The following MYO3A variants were observed in gnomAD, a reference collection of about 807,000 sequenced individuals.
The protein encoded by MYO3A is myosin-IIIa.
A neutral mutation model predicts 192.7 loss-of-function variants in MYO3A; 180 were observed. That is an observed-to-expected ratio of 0.93 (90% confidence interval 0.83 to 1.06). The LOEUF is 1.06. MYO3A is among the 50% of genes least tolerant of loss of function. The probability of loss-of-function intolerance (pLI) is 0.00; values close to 1 mark genes in which losing one functional copy is unlikely to be tolerated. For missense variants in MYO3A, 1,896 were observed against 1,905.0 expected (o/e 1.00, Z 0.09); for synonymous variants, 628 against 645.3 (o/e 0.97, Z 0.41).
chr10:26,158,111 T>G (rs909803148), intron 26 of MYO3A, among the ~76,000 whole-genome samples: 2 of 152,164 alleles, frequency 1.3e-5, no homozygotes, highest in African/African-American at 4.8e-5. Context: ...TCTAACTACC[T>G]GATAGGATCC....
chr10:25,995,389 T>G (rs968324404), intron 4 of MYO3A, among the ~76,000 whole-genome samples: 1 of 152,188 alleles, frequency 6.6e-6, no homozygotes, highest in African/African-American at 2.4e-5. Flanking sequence ...CATTGGTTAT[T>G]CTAGTTAGCC....
chr10:26,179,113 T>TTTTTTTTTTTG lies in MYO3A; in HGVS notation c.4438+2270_4438+2271insTTTTTTTTGTT, dbSNP rs1386278741. On this transcript the variant is annotated intron_variant, in intron 31 of 34. Coordinates refer to ENST00000642920, the MANE Select transcript of MYO3A (RefSeq NM_017433.5). ...AATTTTTTTTTTTTTTTTTTTTTTT[T>TTTTTTTTTTTG]TTGAGACGGAGTTTCACTCTTGTTG... Among the ~76,000 whole-genome samples the TTTTTTTTTTTG allele has an allele frequency of 8.5e-5, 12 of 141,932 alleles. 1 individual carries two copies. Among genetic ancestry groups the TTTTTTTTTTTG allele is most frequent in the African/African-American group, 3.2e-4 (12 of 37,108 alleles). 93.1% of individuals were successfully genotyped at this position (141,932 alleles called of 152,430 possible).
At chr10:25,967,595 G>T (rs991994985) in intron 4 of MYO3A, among the ~76,000 whole-genome samples, 2 of 152,136 alleles carry the variant, frequency 1.3e-5, no homozygotes, top group African/African-American at 2.4e-5. Flanking sequence ...TCAGGAATAT[G>T]CAGCCCATTA....
chr10:26,154,241 G>A (rs1840969422), intron 24 of MYO3A, among the ~76,000 whole-genome samples: 1 of 152,114 alleles, frequency 6.6e-6, no homozygotes, highest in Non-Finnish European at 1.5e-5. Context: ...GAGTGCAGTG[G>A]CATGATCTCA....
rs1159491321 is a variant in MYO3A at position 26,113,488 on chromosome 10, C to CA, written c.1777-7179dup. Among the ~76,000 whole-genome samples, 255 of 129,678 alleles carry CA rather than the reference C, an allele frequency of 2.0e-3. 1 individual carries two copies. The highest frequency in any genetic ancestry group is 6.3e-3 in the African/African-American group (232 of 36,744). The allele number at this position is 129,678 out of a possible 152,430, so 85.1% of individuals were successfully genotyped here. A position where few individuals can be genotyped will look rare whatever the true frequency, so the allele number is the denominator to read the frequency against. On this transcript the variant is annotated intron_variant, in intron 17 of 34. Transcript: ENST00000642920. Reference sequence around the variant, plus strand: ...CGTCTCAAAAAAACAAAAAAAAAAACAAAAAAAAACTGATTTTGACCAGAA... The same window carrying CA: ...CGTCTCAAAAAAACAAAAAAAAAAACAAAAAAAAAACTGATTTTGACCAGAA...
chr10:26,064,402 A>G (rs11595393), intron 10 of MYO3A, among the ~76,000 whole-genome samples: 72,166 of 151,968 alleles, frequency 0.47, 17,936 homozygotes, highest in Middle Eastern at 0.59. Context: ...TATTAGAAAC[A>G]GATGATGTTA....
chr10:26,024,212 T>C, intron 9 of MYO3A, 125 bp downstream of exon 9: 3 of 899,188 alleles, frequency 3.3e-6, no homozygotes, highest in Non-Finnish European at 5.2e-6. Flanking sequence ...AAAGGAAGCA[T>C]CTATAGTGTC....
chr10:26,094,420 C>CTTTTTT (rs965507109), intron 15 of MYO3A, among the ~76,000 whole-genome samples: 40 of 101,282 alleles, frequency 3.9e-4, no homozygotes, highest in Non-Finnish European at 4.8e-4. Context: ...TGAATAATTT[C>CTTTTTT]TTTTTTTTTT....
rs564173852 is a variant in MYO3A, at chr10:26,188,318, C to T, written c.4439-4887C>T. On this transcript the variant is annotated intron_variant, in intron 31 of 34. Coordinates refer to ENST00000642920, the MANE Select transcript of MYO3A (RefSeq NM_017433.5). ...TTGAGAAGTGTCTGTTCATATCCTTCGCCCACTTTTTGATGGGGTTGTTTG... is the reference window on the plus strand; with the variant it reads ...TTGAGAAGTGTCTGTTCATATCCTTTGCCCACTTTTTGATGGGGTTGTTTG... Among the ~76,000 whole-genome samples the T allele has an allele frequency of 8.8e-4, 134 of 152,176 alleles. No individual in the cohort carries two copies. In the Middle Eastern group the frequency reaches 0.027, roughly 31 times the overall value.
intron 25 of MYO3A, 67 bp from the exon 26 acceptor site, chr10:26,157,242 GA>G: frequency 7.2e-7 from 1 of 1,389,556 alleles, no homozygotes; most frequent in Non-Finnish European, 1.0e-6. Context: ...GTAGTAAAAA[GA>G]AAGGCCTACA....
chr10:26,120,581 C>T lies in MYO3A; in HGVS notation c.1777-95C>T, dbSNP rs1588990536. Reference sequence around the variant, plus strand: ...TAGTCTGTGGATAGATATGAAAGGGCCTGAGGGTTCTCTTCCAGTCTGTCC... The same window carrying T: ...TAGTCTGTGGATAGATATGAAAGGGTCTGAGGGTTCTCTTCCAGTCTGTCC... On this transcript the variant is annotated intron_variant, in intron 17 of 34. Transcript: ENST00000642920. 5.3e-6 allele frequency: 8 copies of T among 1,522,752 alleles called. No homozygotes were observed. The Middle Eastern group carries it at 8.5e-4, about 162-fold the overall frequency. The allele number at this position is 1,522,752 out of a possible 1,614,324, so 94.3% of individuals were successfully genotyped here.
At position 25,996,571 on chromosome 10, in the gene MYO3A, T is replaced by C. The variant is rs745381572; in HGVS notation, c.385T>C (p.Tyr129His). The C allele has an allele frequency of 1.2e-6, 2 of 1,613,644 alleles. No homozygotes were observed. The highest frequency in any genetic ancestry group is 1.7e-6 in the Non-Finnish European group (2 of 1,179,640). ...AAGAATGAGTGAGCCTCTAATTGCCTATATTTTACATGAAGCACTAATGGT... is the reference window on the plus strand; with the variant it reads ...AAGAATGAGTGAGCCTCTAATTGCCCATATTTTACATGAAGCACTAATGGT... ...GERMSEPLIA[Y>H]ILHEALMGLQ... The change falls in exon 5 of 35, where the codon TAT becomes CAT. Residue 129 changes from tyrosine to histidine, a missense_variant. Physicochemically the swap from Tyr to His is moderately conservative, Grantham distance 83. Transcript: ENST00000642920.
chr10:26,195,975 AAAT>A (rs145614742), intron 32 of MYO3A, among the ~76,000 whole-genome samples: 7,500 of 152,306 alleles, frequency 0.049, 582 homozygotes, highest in African/African-American at 0.17. Flanking sequence ...GAGAGCAATG[AAAT>A]AAAAGAATGA....
intron 6 of MYO3A, among the ~76,000 whole-genome samples, chr10:26,000,910 T>G (rs1840756938): frequency 6.6e-6 from 1 of 152,126 alleles, no homozygotes; most frequent in East Asian, 1.9e-4. Context: ...TCAGGAAACT[T>G]ACAATCATGG....
At chr10:25,959,802 GGTGTGTGTGT>G (rs10543438) in intron 4 of MYO3A, among the ~76,000 whole-genome samples, 3 of 149,418 alleles carry the variant, frequency 2.0e-5, no homozygotes, top group Non-Finnish European at 4.5e-5. Flanking sequence ...TCTTAACCTG[GGTGTGTGTGT>G]GTGTGTGTGT....
rs1301877474 is a variant in MYO3A at position 26,020,508 on chromosome 10, G to A, written c.586-995G>A. ...AAGGTGAGATATCATTCCTAAAAGG[G>A]CCTTAGATTTTTCACTTTATATATC... On this transcript the variant is annotated intron_variant, in intron 7 of 34. Transcript: ENST00000642920. Among the ~76,000 whole-genome samples the A allele has an allele frequency of 2.0e-5, 3 of 152,044 alleles. No individual in the cohort carries two copies. The East Asian group carries it at 5.8e-4, about 29-fold the overall frequency.
chr10:26,064,023 C>A (rs11593128), intron 10 of MYO3A, among the ~76,000 whole-genome samples: 72,205 of 151,934 alleles, frequency 0.48, 17,956 homozygotes, highest in Middle Eastern at 0.59. Flanking sequence ...TTACTAGTAC[C>A]ATAAAATCTA....
intron 6 of MYO3A, among the ~76,000 whole-genome samples, chr10:26,010,854 C>T (rs1047142930): frequency 1.8e-4 from 27 of 152,256 alleles, no homozygotes; most frequent in Admixed American, 1.6e-3. Flanking sequence ...CAAGAGCCTA[C>T]AGAAGCAAAA....
At chr10:25,957,541 A>G (rs1837632145) in intron 4 of MYO3A, among the ~76,000 whole-genome samples, 1 of 152,202 alleles carries the variant, frequency 6.6e-6, no homozygotes, top group African/African-American at 2.4e-5. Context: ...ATAGTGTTGC[A>G]ATGAACATAC....
Sources: allele counts gnomAD v4.1 joint callset (sites outside exome capture counted in the v4.1 genomes callset), GRCh38; gene constraint gnomAD v4.1.1; transcripts MANE v1.5; gene names NCBI Gene and HGNC (gene_info 2026-07-23, HGNC 2026-07-21).